The following VPS13B variants were observed in gnomAD, a reference collection of about 807,000 sequenced individuals.
VPS13B encodes the protein intermembrane lipid transfer protein VPS13B.
A neutral mutation model predicts 426.4 loss-of-function variants in VPS13B; 285 were observed. The ratio of observed to expected loss-of-function variants is 0.67; its 90% CI spans 0.61 to 0.74. The LOEUF (loss-of-function observed/expected upper bound fraction) is 0.74. VPS13B is among the 30% of genes least tolerant of loss of function. The pLI, the probability that VPS13B is intolerant of heterozygous loss-of-function variation, is 0.00. For synonymous variants in VPS13B, 1,676 were observed against 1,676.4 expected (o/e 1.00, Z 0.01); for missense variants, 4,537 against 4,782.6 (o/e 0.95, Z 1.51).
Position 99,359,912 on chromosome 8 carries a change from C to G in VPS13B, c.2825-24296C>G, listed in dbSNP as rs550587583. Among the ~76,000 whole-genome samples, 6 of 152,264 alleles carry G rather than the reference C, an allele frequency of 3.9e-5. No individual in the cohort carries two copies. In the South Asian group the frequency reaches 1.2e-3, roughly 32 times the overall value. ...CTGCCTCCTGGGTTCAAATAGCTCT[C>G]CTGTCTCAGCCTTCCAAGTAACTGG... is the stretch of plus-strand genomic sequence containing the variant. On this transcript the variant is annotated intron_variant, in intron 19 of 61. Transcript: ENST00000357162.
intron 43 of VPS13B, among the ~76,000 whole-genome samples, chr8:99,802,450 A>T (rs542783205): frequency 9.2e-5 from 14 of 152,054 alleles, no homozygotes; most frequent in African/African-American, 2.7e-4. Flanking sequence ...CCTATTAGAC[A>T]TTTTTTTTAT....
intron 13 of VPS13B, among the ~76,000 whole-genome samples, chr8:99,143,717 C>G (rs1810553730): frequency 6.6e-6 from 1 of 152,172 alleles, no homozygotes. Flanking sequence ...TGGAGTCAGA[C>G]TGTGGTTTAA....
intron 54 of VPS13B, among the ~76,000 whole-genome samples, chr8:99,845,397 C>G (rs1461469672): frequency 1.3e-5 from 2 of 152,138 alleles, no homozygotes; most frequent in Non-Finnish European, 2.9e-5. Flanking sequence ...AACAACTTCT[C>G]AAGATTCTGA....
chr8:99,557,948 T>C (rs925355862), intron 31 of VPS13B, among the ~76,000 whole-genome samples: 8 of 152,212 alleles, frequency 5.3e-5, no homozygotes, highest in Non-Finnish European at 7.3e-5. Flanking sequence ...CTTTATAAAA[T>C]AGAATCAGTA....
intron 17 of VPS13B, among the ~76,000 whole-genome samples, chr8:99,205,825 G>A (rs532151738): frequency 1.3e-5 from 2 of 152,046 alleles, no homozygotes; most frequent in Non-Finnish European, 2.9e-5. Flanking sequence ...TTGAAGCCAG[G>A]CCTTTGGAAT....
intron 35 of VPS13B, among the ~76,000 whole-genome samples, chr8:99,683,303 C>A (rs1233168905): frequency 6.6e-6 from 1 of 152,094 alleles, no homozygotes; most frequent in Non-Finnish European, 1.5e-5. Flanking sequence ...TGTTGTTATT[C>A]TTTCTCAAAA....
intron 19 of VPS13B, among the ~76,000 whole-genome samples, chr8:99,306,551 A>G (rs1820645819): frequency 6.6e-6 from 1 of 152,100 alleles, no homozygotes; most frequent in South Asian, 2.1e-4. Flanking sequence ...TTTGCCTACA[A>G]ATAACTTAGT....
chr8:99,812,704 C>A (rs908468245), intron 44 of VPS13B, among the ~76,000 whole-genome samples: 1 of 152,268 alleles, frequency 6.6e-6, no homozygotes, highest in East Asian at 1.9e-4. Context: ...GTTGAAGAAA[C>A]CTTTACTACT....
intron 21 of VPS13B, chr8:99,429,448 A>T (rs916070212): frequency 1.3e-5 from 2 of 151,994 alleles, no homozygotes; most frequent in Non-Finnish European, 2.9e-5. Flanking sequence ...TATCTTGTCT[A>T]TTTTTTTATA....
chr8:99,049,713 G>A (rs1843425618), intron 3 of VPS13B, among the ~76,000 whole-genome samples: 1 of 151,986 alleles, frequency 6.6e-6, no homozygotes. Context: ...GGATGTCTAG[G>A]TTTCTAGCCA....
At chr8:99,086,784 C>T (rs1202867883) in intron 3 of VPS13B, among the ~76,000 whole-genome samples, 1 of 152,168 alleles carries the variant, frequency 6.6e-6, no homozygotes, top group Non-Finnish European at 1.5e-5. Flanking sequence ...TATTGGTGAA[C>T]AGCAAATGTT....
chr8:99,793,175 G>A (rs1812640282), intron 43 of VPS13B, among the ~76,000 whole-genome samples: 2 of 148,992 alleles, frequency 1.3e-5, no homozygotes, highest in African/African-American at 2.5e-5. Flanking sequence ...CTGCACTCCA[G>A]CCTGGGCAAC....
intron 60 of VPS13B, chr8:99,871,091 T>C (rs1408634868): frequency 1.6e-6 from 1 of 641,062 alleles, no homozygotes; most frequent in African/African-American, 1.8e-5. Flanking sequence ...GCACAACTCC[T>C]CTGTTCCGTA....
chr8:99,831,574 T>C (rs1386329379), intron 51 of VPS13B, among the ~76,000 whole-genome samples: 3 of 152,224 alleles, frequency 2.0e-5, no homozygotes, highest in Admixed American at 6.5e-5. Context: ...TTACAATGCA[T>C]TGTGGTAAAG....
intron 49 of VPS13B, among the ~76,000 whole-genome samples, chr8:99,820,594 C>T (rs1814303075): frequency 1.3e-5 from 2 of 152,072 alleles, no homozygotes; most frequent in African/African-American, 4.8e-5. Flanking sequence ...TGGATGTCTA[C>T]CCAGTTGATT....
In VPS13B at chr8:99,720,362, A is replaced by G; in HGVS notation, c.6675A>G (p.Glu2225=). Residue 2225 remains glutamate (E), a synonymous_variant, in exon 38 of 62, where the codon GAA becomes GAG. Coordinates refer to ENST00000357162, the MANE Select transcript of VPS13B (RefSeq NM_152564.5). ...GGLLQVFWGQ[E]HLNCLVLLHE... ...TTTTAAAGGTCTTCTGGGGTCAAGA[A>G]CATTTGAATTGTTTAGTTCTTCTAC... 1.2e-6 allele frequency: 2 copies of G among 1,613,050 alleles called. No homozygotes were observed. The highest frequency in any genetic ancestry group is 1.7e-6 in the Non-Finnish European group (2 of 1,179,826).
intron 40 of VPS13B, among the ~76,000 whole-genome samples, chr8:99,767,703 T>C (rs952118303): frequency 6.6e-6 from 1 of 151,860 alleles, no homozygotes; most frequent in Admixed American, 6.6e-5. Flanking sequence ...CTAAGGCGGG[T>C]AGACTGCTTG....
chr8:99,493,891 A>G (rs976416915), intron 25 of VPS13B, among the ~76,000 whole-genome samples: 1 of 152,042 alleles, frequency 6.6e-6, no homozygotes, highest in Non-Finnish European at 1.5e-5. Context: ...AAGAGAACAC[A>G]GAGAAGCATC....
intron 17 of VPS13B, among the ~76,000 whole-genome samples, chr8:99,218,850 G>T (rs1053468838): frequency 7.2e-5 from 11 of 152,280 alleles, no homozygotes; most frequent in African/African-American, 2.4e-4. Flanking sequence ...GTGGTCACAA[G>T]TCTGCCATAC....
Sources: gnomAD v4.1 joint callset for allele counts (sites outside exome capture counted in the v4.1 genomes callset) on GRCh38, gnomAD v4.1.1 for gene constraint, MANE v1.5 for transcripts, NCBI Gene and HGNC (gene_info 2026-07-23, HGNC 2026-07-21) for gene names.